The following SEMA3E variants were observed in gnomAD, a reference collection of about 807,000 sequenced individuals.
SEMA3E encodes the protein semaphorin 3E, also known as semaphorin-3E.
SEMA3E carries 49 observed loss-of-function variants against 93.6 expected under a neutral mutation model. That is an observed-to-expected ratio of 0.52 (90% CI 0.42 to 0.66). SEMA3E has a LOEUF of 0.66. Ranked by LOEUF, SEMA3E falls within the 30% of genes least tolerant of loss-of-function variation. The pLI is 0.00. For missense variants in SEMA3E, 906 were observed against 964.8 expected (o/e 0.94, Z 0.81); for synonymous variants, 363 against 330.7 (o/e 1.10, Z -1.06).
chr7:83,431,141 A>G (rs1398584582), intron 4 of SEMA3E, among the ~76,000 whole-genome samples: 2 of 151,052 alleles, frequency 1.3e-5, no homozygotes, highest in East Asian at 3.9e-4. Flanking sequence ...ATTAATATAT[A>G]ATATAGTAGG....
At chr7:83,471,932 G>C (rs1056809737) in intron 2 of SEMA3E, among the ~76,000 whole-genome samples, 5 of 152,112 alleles carry the variant, frequency 3.3e-5, no homozygotes, top group Admixed American at 2.0e-4. Context: ...TTGCTATGTT[G>C]TAATCCCATT....
intron 13 of SEMA3E, among the ~76,000 whole-genome samples, chr7:83,394,060 T>C (rs1211481750): frequency 1.3e-5 from 2 of 152,178 alleles, no homozygotes; most frequent in East Asian, 3.8e-4. Flanking sequence ...TTTAGAGGTC[T>C]GCAGTATAAC....
intron 5 of SEMA3E, among the ~76,000 whole-genome samples, chr7:83,416,280 C>T (rs1788536501): frequency 6.6e-6 from 1 of 151,972 alleles, no homozygotes; most frequent in Non-Finnish European, 1.5e-5. Context: ...GATTTCTCTT[C>T]GAAATAAGCG....
rs559240903 is a variant in SEMA3E, at chr7:83,638,896, G to A, written c.115+9532C>T. The stretch of plus-strand genomic sequence containing the variant: ...GGAGGCCGAGGCGGGCGGATCACGA[G>A]GTCAGGAGATCGAGACCATCCCGGC... On this transcript the variant is annotated intron_variant, in intron 1 of 16. Coordinates refer to ENST00000643230, the MANE Select transcript of SEMA3E (RefSeq NM_012431.3). Among the ~76,000 whole-genome samples, 248 of 151,650 alleles carry A rather than the reference G, an allele frequency of 1.6e-3. 1 individual carries two copies. Among genetic ancestry groups the A allele is most frequent in the African/African-American group, 5.5e-3 (226 of 41,300 alleles).
intron 1 of SEMA3E, among the ~76,000 whole-genome samples, chr7:83,556,902 G>T (rs1775428893): frequency 6.6e-6 from 1 of 152,100 alleles, no homozygotes; most frequent in Admixed American, 6.6e-5. Flanking sequence ...TCCTCACCTT[G>T]GACTTGTGAG....
At chr7:83,519,095 A>G (rs1373264028) in intron 1 of SEMA3E, among the ~76,000 whole-genome samples, 1 of 151,944 alleles carries the variant, frequency 6.6e-6, no homozygotes, top group Non-Finnish European at 1.5e-5. Context: ...AGCATTAGGT[A>G]TATCTCCTAA....
chr7:83,426,064 C>A (rs1473318181), intron 4 of SEMA3E, among the ~76,000 whole-genome samples: 1 of 152,196 alleles, frequency 6.6e-6, no homozygotes, highest in Middle Eastern at 3.4e-3. Context: ...ATTAAAAAGT[C>A]AATAAATAAT....
At chr7:83,573,291 T>C (rs922151081) in intron 1 of SEMA3E, among the ~76,000 whole-genome samples, 21 of 152,156 alleles carry the variant, frequency 1.4e-4, no homozygotes, top group African/African-American at 5.1e-4. Flanking sequence ...ATTTTATTTA[T>C]TATGATTTTG....
chr7:83,586,808 A>AT (rs1428995453), intron 1 of SEMA3E, among the ~76,000 whole-genome samples: 1 of 152,046 alleles, frequency 6.6e-6, no homozygotes, highest in Admixed American at 6.5e-5. Flanking sequence ...ATCGTCAACA[A>AT]TGTAAGTACA....
intron 1 of SEMA3E, chr7:83,616,611 C>T (rs1026343421): frequency 1.1e-5 from 4 of 377,220 alleles, no homozygotes; most frequent in African/African-American, 4.4e-5. Flanking sequence ...TTTATTCTTG[C>T]CTTTTTACTT....
intron 1 of SEMA3E, among the ~76,000 whole-genome samples, chr7:83,589,976 A>G (rs1584350126): frequency 6.6e-6 from 1 of 152,182 alleles, no homozygotes; most frequent in Non-Finnish European, 1.5e-5. Context: ...TGGCTTCCTC[A>G]GATCAATATA....
intron 1 of SEMA3E, among the ~76,000 whole-genome samples, chr7:83,620,495 T>A (rs2115627114): frequency 6.6e-6 from 1 of 152,224 alleles, no homozygotes; most frequent in African/African-American, 2.4e-5. Context: ...TAATTCATTT[T>A]ATGAAGCCAG....
chr7:83,505,783 AG>A (rs1020632712), intron 1 of SEMA3E, among the ~76,000 whole-genome samples: 1 of 151,972 alleles, frequency 6.6e-6, no homozygotes, highest in Non-Finnish European at 1.5e-5. Context: ...TGGGATGCCA[AG>A]GGGGGCAGAT....
Position 83,367,959 on chromosome 7 carries a change from TAGGTCC to T in SEMA3E, c.1949_1954del (p.Gly650_Tyr652delinsAsp). 1 of 1,613,566 alleles carries T rather than the reference TAGGTCC, an allele frequency of 6.2e-7. No individual in the cohort carries two copies. Among genetic ancestry groups the T allele is most frequent in the Non-Finnish European group, 8.5e-7 (1 of 1,179,812 alleles). ...GCTATGCTCTACTGTCTGGCAAAAA[TAGGTCC>T]CAGCATCTGATTTGTGTAACCTTAG... On this transcript the variant is annotated inframe_deletion, in exon 17 of 17. Transcript: ENST00000643230.
At chr7:83,461,718 C>T (rs1438504954) in intron 4 of SEMA3E, among the ~76,000 whole-genome samples, 1 of 152,116 alleles carries the variant, frequency 6.6e-6, no homozygotes, top group African/African-American at 2.4e-5. Flanking sequence ...CTGCTCCCGA[C>T]ATTAAATAAA....
At chr7:83,516,931 T>A (rs991412092) in intron 1 of SEMA3E, among the ~76,000 whole-genome samples, 9 of 147,710 alleles carry the variant, frequency 6.1e-5, no homozygotes, top group Non-Finnish European at 1.4e-4. Context: ...TTATTGAGTA[T>A]ATATAGCATA....
chr7:83,627,798 G>T (rs1219067870), intron 1 of SEMA3E, among the ~76,000 whole-genome samples: 3 of 151,516 alleles, frequency 2.0e-5, no homozygotes, highest in Non-Finnish European at 2.9e-5. Context: ...TTTTAATTGG[G>T]GCATTTACCC....
chr7:83,622,701 G>A (rs531403675), intron 1 of SEMA3E, among the ~76,000 whole-genome samples: 2 of 152,262 alleles, frequency 1.3e-5, no homozygotes, highest in South Asian at 4.1e-4. Flanking sequence ...GGAGCTGGAA[G>A]CCATTATCCT....
chr7:83,444,409 G>A (rs571945219), intron 4 of SEMA3E, among the ~76,000 whole-genome samples: 3 of 152,078 alleles, frequency 2.0e-5, no homozygotes, highest in Non-Finnish European at 4.4e-5. Context: ...AGTTTTATTT[G>A]TTAAAAGAAT....
Sources: allele counts gnomAD v4.1 joint callset (sites outside exome capture counted in the v4.1 genomes callset), GRCh38; gene constraint gnomAD v4.1.1; transcripts MANE v1.5; gene names NCBI Gene and HGNC (gene_info 2026-07-23, HGNC 2026-07-21).